The following TGFBR3 variants were observed in gnomAD, a reference collection of about 807,000 sequenced individuals.
TGFBR3 encodes the protein transforming growth factor beta receptor type 3.
Under a neutral mutation model 87.9 loss-of-function variants are expected in TGFBR3, and 46 were observed. That is an observed-to-expected ratio of 0.52 (90% CI 0.41 to 0.67). The LOEUF is 0.67. Ranked by LOEUF, TGFBR3 falls within the 30% of genes least tolerant of loss-of-function variation. The pLI is 0.00. For synonymous variants in TGFBR3, 381 were observed against 391.6 expected (o/e 0.97, Z 0.32); for missense variants, 866 against 1,041.9 (o/e 0.83, Z 2.32).
Position 91,683,574 on chromosome 1 carries a change from G to A in TGFBR3, c.*165C>T. On this transcript the variant is annotated 3_prime_UTR_variant, in exon 17 of 17. Transcript: ENST00000212355. ...TTTATACTAGCCCTGGGTGTGGGGT[G>A]AATACAACGGGTGATCTTTATACTG... 1 of 705,692 alleles carries A rather than the reference G, an allele frequency of 1.4e-6. No individual in the cohort carries two copies. Among genetic ancestry groups the A allele is most frequent in the Non-Finnish European group, 2.6e-6 (1 of 391,216 alleles). The allele number at this position is 705,692 out of a possible 1,614,324, so 43.7% of individuals were successfully genotyped here. A position where few individuals can be genotyped will look rare whatever the true frequency, so the allele number is the denominator to read the frequency against.
rs575797220 is a variant in TGFBR3 at position 91,782,248 on chromosome 1, T to G, written c.246+15039A>C. Among the ~76,000 whole-genome samples the G allele has an allele frequency of 9.2e-5, 14 of 152,230 alleles. No individual in the cohort carries two copies. In the South Asian group the frequency reaches 1.0e-3, roughly 11 times the overall value. On this transcript the variant is annotated intron_variant, in intron 3 of 16. Coordinates refer to ENST00000212355, the MANE Select transcript of TGFBR3 (RefSeq NM_003243.5). ...ATCTAGGGGATGAGGGCGTTCAGAA[T>G]AGAAGGGAGGGTGATCGGCCCCCAG...
intron 16 of TGFBR3, among the ~76,000 whole-genome samples, chr1:91,686,954 A>G (rs973071251): frequency 6.6e-6 from 1 of 152,240 alleles, no homozygotes; most frequent in Non-Finnish European, 1.5e-5. Context: ...GAGGAAATGT[A>G]CTCAGTCTTC....
chr1:91,828,061 T>C (rs1170334604), intron 2 of TGFBR3, among the ~76,000 whole-genome samples: 1 of 152,204 alleles, frequency 6.6e-6, no homozygotes, highest in Non-Finnish European at 1.5e-5. Flanking sequence ...GTACCGGCTC[T>C]TCAGATCACG....
intron 2 of TGFBR3, among the ~76,000 whole-genome samples, chr1:91,847,725 G>C (rs1402468509): frequency 1.3e-5 from 2 of 151,598 alleles, no homozygotes; most frequent in East Asian, 3.9e-4. Context: ...CCTAACTCCA[G>C]AGCCACCCTC....
intron 7 of TGFBR3, among the ~76,000 whole-genome samples, chr1:91,724,753 G>T (rs568961133): frequency 6.6e-6 from 1 of 152,074 alleles, no homozygotes; most frequent in Non-Finnish European, 1.5e-5. Context: ...AAATGCAGGT[G>T]TACAAGGAGG....
chr1:91,683,605 C>A lies in TGFBR3; in HGVS notation c.*134G>T, dbSNP rs1670986292. 3 of 743,574 alleles carry A rather than the reference C, an allele frequency of 4.0e-6. No individual in the cohort carries two copies. The East Asian group carries it at 8.0e-5, about 20-fold the overall frequency. The allele number at this position is 743,574 out of a possible 1,614,324, so 46.1% of individuals were successfully genotyped here. ...AACGGGTGATCTTTATACTGAAATT[C>A]ACTCTGTCTTTACAAGGGAACCAAA... On this transcript the variant is annotated 3_prime_UTR_variant, in exon 17 of 17. Coordinates refer to ENST00000212355, the MANE Select transcript of TGFBR3 (RefSeq NM_003243.5).
In TGFBR3 at chr1:91,722,070, A is replaced by AAT; in HGVS notation, c.958_959dup (p.Pro321PhefsTer9). 6.2e-7 allele frequency: 1 copy of AAT among 1,613,978 alleles called. No individual in the cohort carries two copies. Among genetic ancestry groups the AAT allele is most frequent in the Non-Finnish European group, 8.5e-7 (1 of 1,179,920 alleles). ...TCACCAGATTCCCTTGGGTTGAAGG[A>AAT]ATGTCATCTCTTATTGATTTGGTCA... On this transcript the variant is annotated frameshift_variant, in exon 8 of 17. Coordinates refer to ENST00000212355, the MANE Select transcript of TGFBR3 (RefSeq NM_003243.5). LOFTEE classifies it high-confidence loss of function.
chr1:91,683,445 G>A lies in TGFBR3; in HGVS notation c.*294C>T, dbSNP rs1183078933. 1 of 621,034 alleles carries A rather than the reference G, an allele frequency of 1.6e-6. No individual in the cohort carries two copies. Among genetic ancestry groups the A allele is most frequent in the Non-Finnish European group, 3.0e-6 (1 of 334,756 alleles). 38.5% of individuals were successfully genotyped at this position (621,034 alleles called of 1,614,324 possible). ...AGCAGCATTTTAAAAACTGGCATGT[G>A]TTTCACATTGAAAACCCCCAAGCCT... On this transcript the variant is annotated 3_prime_UTR_variant, in exon 17 of 17. Coordinates refer to ENST00000212355, the MANE Select transcript of TGFBR3 (RefSeq NM_003243.5).
chr1:91,698,089 G>A lies in TGFBR3; in HGVS notation c.2329C>T (p.Pro777Ser), dbSNP rs2228363. Residue 777 changes from proline to serine, a missense_variant and splice_region_variant, in exon 15 of 17, where the codon CCA becomes TCA. By Grantham distance (74) the Pro-to-Ser change is moderately conservative. Coordinates refer to ENST00000212355, the MANE Select transcript of TGFBR3 (RefSeq NM_003243.5). ...SMKEPNPISP[P>S]IFHGLDTLTV... ...TCGAAATAGTTGCATAAAGACTTAC[G>A]TGGAGAAATTGGATTTGGTTCCTTC... 16,389 of 1,613,536 alleles carry A rather than the reference G, an allele frequency of 0.01. 109 individuals are homozygous for A. Among genetic ancestry groups the A allele is most frequent in the Non-Finnish European group, 0.013 (14,862 of 1,179,484 alleles).
intron 2 of TGFBR3, among the ~76,000 whole-genome samples, chr1:91,844,892 A>C (rs1419482661): frequency 6.6e-6 from 1 of 152,196 alleles, no homozygotes; most frequent in African/African-American, 2.4e-5. Context: ...GTTTCTATCA[A>C]CTCAAAAAGT....
chr1:91,861,465 A>T lies in TGFBR3; in HGVS notation c.61+6T>A, dbSNP rs17881797. 1.2e-6 allele frequency: 2 copies of T among 1,604,738 alleles called. No individual in the cohort carries two copies. Among genetic ancestry groups the T allele is most frequent in the Non-Finnish European group, 1.7e-6 (2 of 1,171,574 alleles). On this transcript the variant is annotated splice_donor_region_variant and intron_variant, in intron 2 of 16. Transcript: ENST00000212355. ...ACAAATATGCAATTTATATTATGCA[A>T]CTTACCTGCAGTGGCTAAACAGGAG...
At chr1:91,747,366 C>G (rs773346901) in intron 4 of TGFBR3, among the ~76,000 whole-genome samples, 4 of 152,178 alleles carry the variant, frequency 2.6e-5, no homozygotes, top group Non-Finnish European at 5.9e-5. Flanking sequence ...TGAGGCAAAG[C>G]AGGGGGCTCC....
At chr1:91,712,217 A>G (rs768532552) in intron 13 of TGFBR3, 26 bp downstream of exon 13, 12 of 1,611,824 alleles carry the variant, frequency 7.4e-6, no homozygotes, top group Admixed American at 1.7e-5. Flanking sequence ...CAAAATAACC[A>G]TCCGAATGGA....
chr1:91,858,945 A>G (rs1449572840), intron 2 of TGFBR3, among the ~76,000 whole-genome samples: 1 of 151,792 alleles, frequency 6.6e-6, no homozygotes. Flanking sequence ...AATCCCAGCT[A>G]CTCAGGAGGC....
At chr1:91,775,639 T>A (rs1194743149) in intron 3 of TGFBR3, among the ~76,000 whole-genome samples, 4 of 152,240 alleles carry the variant, frequency 2.6e-5, no homozygotes, top group African/African-American at 9.6e-5. Flanking sequence ...ACACAAAGCC[T>A]GTTGGCATCT....
chr1:91,688,996 C>T (rs945596679), intron 16 of TGFBR3, among the ~76,000 whole-genome samples: 2 of 152,198 alleles, frequency 1.3e-5, no homozygotes, highest in Admixed American at 1.3e-4. Context: ...AGGCTCCACT[C>T]TCTTTTCACT....
At chr1:91,703,593 G>A (rs1371500795) in intron 14 of TGFBR3, among the ~76,000 whole-genome samples, 1 of 152,142 alleles carries the variant, frequency 6.6e-6, no homozygotes, top group Non-Finnish European at 1.5e-5. Flanking sequence ...CACTGTTTCA[G>A]AGAAATGGTT....
At chr1:91,691,587 T>G (rs1290363743) in intron 16 of TGFBR3, among the ~76,000 whole-genome samples, 3 of 152,222 alleles carry the variant, frequency 2.0e-5, no homozygotes, top group African/African-American at 7.2e-5. Flanking sequence ...TGAAAAACAT[T>G]TGCGTCCTCT....
intron 3 of TGFBR3, among the ~76,000 whole-genome samples, chr1:91,759,074 C>T (rs12565552): frequency 0.19 from 28,934 of 152,110 alleles, 3,092 homozygotes; most frequent in East Asian, 0.46. Flanking sequence ...CAAAAGTTAC[C>T]TTCCCTTAGG....
Sources: gnomAD v4.1 joint callset for allele counts (sites outside exome capture counted in the v4.1 genomes callset) on GRCh38, gnomAD v4.1.1 for gene constraint, MANE v1.5 for transcripts, NCBI Gene and HGNC (gene_info 2026-07-23, HGNC 2026-07-21) for gene names.